Variants in BCL10 observed in about 807,000 individuals in gnomAD.
BCL10 encodes BCL10 immune signaling adaptor.
A neutral mutation model predicts 19.2 loss-of-function variants in BCL10; 5 were observed. The ratio of observed to expected loss-of-function variants is 0.26; its 90% confidence interval spans 0.14 to 0.55. The LOEUF (loss-of-function observed/expected upper bound fraction) is 0.55. Among genes scored for constraint, BCL10 ranks in the 20% least tolerant of loss-of-function variants. The pLI is 0.94. For synonymous variants in BCL10, 110 were observed against 98.8 expected (o/e 1.11, Z -0.67); for missense variants, 201 against 271.9 (o/e 0.74, Z 1.83).
intron 2 of BCL10, among the ~76,000 whole-genome samples, chr1:85,268,588 C>T (rs371400067): frequency 1.3e-5 from 2 of 151,800 alleles, no homozygotes; most frequent in African/African-American, 4.8e-5. Context: ...GCCAACATGG[C>T]GAAACCCCAT....
At position 85,276,357 on chromosome 1, in the gene BCL10, G is replaced by T; in HGVS notation, c.-5C>A. The T allele has an allele frequency of 6.2e-7, 1 of 1,613,396 alleles. No homozygotes were observed. Among genetic ancestry groups the T allele is most frequent in the East Asian group, 2.2e-5 (1 of 44,842 alleles). The stretch of plus-strand genomic sequence containing the variant: ...GGACGGTGCGGTGGGCTCCATGGTG[G>T]AGGCGGGAGATGGCGCTTCTTCCGG... On this transcript the variant is annotated 5_prime_UTR_variant, in exon 1 of 3. Coordinates refer to ENST00000648566, the MANE Select transcript of BCL10 (RefSeq NM_003921.5).
At position 85,267,843 on chromosome 1, in the gene BCL10, C is replaced by T. The variant is rs374017925; in HGVS notation, c.486G>A (p.Thr162=). 70 of 1,614,190 alleles carry T rather than the reference C, an allele frequency of 4.3e-5. No homozygotes were observed. The highest frequency in any genetic ancestry group is 3.3e-4 in the East Asian group (15 of 44,886). ...VMYHPEGESS[T]TPFFSTNSSL... Reference sequence around the variant, plus strand: ...AAGAATTAGTAGAAAAAAAGGGCGTCGTGCTGGATTCTCCTTCTGGATGGT... The same window carrying T: ...AAGAATTAGTAGAAAAAAAGGGCGTTGTGCTGGATTCTCCTTCTGGATGGT... Residue 162 remains threonine (T), a synonymous_variant, in exon 3 of 3, where the codon ACG becomes ACA. Coordinates refer to ENST00000648566, the MANE Select transcript of BCL10 (RefSeq NM_003921.5).
In BCL10 at chr1:85,276,576, G is replaced by A. The variant is rs559113612; in HGVS notation, c.-224C>T. On this transcript the variant is annotated 5_prime_UTR_variant, in exon 1 of 3. Coordinates refer to ENST00000648566, the MANE Select transcript of BCL10 (RefSeq NM_003921.5). ...CGACGGCGACGCGAATCTACGCGAC[G>A]CGACGCGGAGCTCGGAGCAGCGTTC... The A allele has an allele frequency of 1.0e-5, 6 of 599,216 alleles. No homozygotes were observed. The highest frequency in any genetic ancestry group is 1.8e-5 in the Non-Finnish European group (6 of 337,638). The allele number at this position is 599,216 out of a possible 1,614,324, so 37.1% of individuals were successfully genotyped here. A position where few individuals can be genotyped will look rare whatever the true frequency, so the allele number is the denominator to read the frequency against.
At chr1:85,270,951 G>C in intron 1 of BCL10, 45 bp from the exon 2 acceptor site, 3 of 1,554,250 alleles carry the variant, frequency 1.9e-6, no homozygotes, top group Non-Finnish European at 2.6e-6. Context: ...TAACATCTAA[G>C]AAAATCACAT....
intron 1 of BCL10, among the ~76,000 whole-genome samples, chr1:85,273,519 T>TA (rs1364907014): frequency 6.6e-6 from 1 of 152,218 alleles, no homozygotes; most frequent in Non-Finnish European, 1.5e-5. Context: ...GCTTTCTAGG[T>TA]AAAATCATTC....
At chr1:85,269,236 C>A (rs1447005636) in intron 2 of BCL10, among the ~76,000 whole-genome samples, 1 of 152,194 alleles carries the variant, frequency 6.6e-6, no homozygotes, top group Non-Finnish European at 1.5e-5. Context: ...GAATACATTT[C>A]TTTTCTTTAA....
In BCL10 at chr1:85,276,612, G is replaced by A. The variant is rs542676262; in HGVS notation, c.-260C>T. 1.9e-5 allele frequency: 11 copies of A among 569,100 alleles called. No individual in the cohort carries two copies. The highest frequency in any genetic ancestry group is 1.5e-4 in the Admixed American group (5 of 32,438). 35.3% of individuals were successfully genotyped at this position (569,100 alleles called of 1,614,324 possible). A position where few individuals can be genotyped will look rare whatever the true frequency, so the allele number is the denominator to read the frequency against. On this transcript the variant is annotated 5_prime_UTR_variant, in exon 1 of 3. In the 5' UTR this introduces an upstream ATG that the reference lacks. Transcript: ENST00000648566. ...CTCGGAGCAGCGTTCCTTCCCTCTCGTAGAGGCTCAGGCGCAGGCACCGCC... is the reference window on the plus strand; with the variant it reads ...CTCGGAGCAGCGTTCCTTCCCTCTCATAGAGGCTCAGGCGCAGGCACCGCC...
rs1049306240 is a variant in BCL10, at chr1:85,276,527, C to A, written c.-175G>T. ...GAGGGACTCGGGGGTCAAACCGTAG[C>A]GCTTCCGGCCCCGCCTCTGAGGTCG... On this transcript the variant is annotated 5_prime_UTR_variant, in exon 1 of 3. Coordinates refer to ENST00000648566, the MANE Select transcript of BCL10 (RefSeq NM_003921.5). The A allele has an allele frequency of 3.8e-5, 25 of 663,828 alleles. No individual in the cohort carries two copies. In the East Asian group the frequency reaches 3.8e-4, roughly 10 times the overall value. The allele number at this position is 663,828 out of a possible 1,614,324, so 41.1% of individuals were successfully genotyped here. A position where few individuals can be genotyped will look rare whatever the true frequency, so the allele number is the denominator to read the frequency against.
chr1:85,270,418 A>G (rs1163429969), intron 2 of BCL10, among the ~76,000 whole-genome samples, 200 bp downstream of exon 2: 1 of 152,174 alleles, frequency 6.6e-6, no homozygotes, highest in African/African-American at 2.4e-5. Context: ...AAACACAGGT[A>G]TGCACCATCA....
chr1:85,270,567 T>A (rs778947832), intron 2 of BCL10, 51 bp downstream of exon 2: 17 of 1,531,720 alleles, frequency 1.1e-5, no homozygotes, highest in Admixed American at 1.1e-4. Flanking sequence ...CTGCATTTTT[T>A]AAAAGCATTA....
chr1:85,271,462 G>C (rs1484182458), intron 1 of BCL10, among the ~76,000 whole-genome samples: 3 of 152,054 alleles, frequency 2.0e-5, no homozygotes, highest in Non-Finnish European at 1.5e-5. Flanking sequence ...AATCAGTCTT[G>C]GTGGAAGGGA....
At position 85,276,393 on chromosome 1, in the gene BCL10, T is replaced by C; in HGVS notation, c.-41A>G. On this transcript the variant is annotated 5_prime_UTR_variant, in exon 1 of 3. Transcript: ENST00000648566. ...TGGCGCTTCTTCCGGGTCCGGGAGCTCGGGCTGCGCCGCCCCGCCCTGGCT... is the reference window on the plus strand; with the variant it reads ...TGGCGCTTCTTCCGGGTCCGGGAGCCCGGGCTGCGCCGCCCCGCCCTGGCT... 1 of 1,608,482 alleles carries C rather than the reference T, an allele frequency of 6.2e-7. No individual in the cohort carries two copies. Among genetic ancestry groups the C allele is most frequent in the South Asian group, 1.1e-5 (1 of 90,888 alleles).
rs1660542382 is a variant in BCL10, at chr1:85,276,566, T to C, written c.-214A>G. On this transcript the variant is annotated 5_prime_UTR_variant, in exon 1 of 3. Transcript: ENST00000648566. The stretch of plus-strand genomic sequence containing the variant: ...CCTCTGAGGTCGACGGCGACGCGAA[T>C]CTACGCGACGCGACGCGGAGCTCGG... 2 of 603,648 alleles carry C rather than the reference T, an allele frequency of 3.3e-6. No homozygotes were observed. Among genetic ancestry groups the C allele is most frequent in the Non-Finnish European group, 5.9e-6 (2 of 341,236 alleles). The allele number at this position is 603,648 out of a possible 1,614,324, so 37.4% of individuals were successfully genotyped here.
intron 2 of BCL10, among the ~76,000 whole-genome samples, chr1:85,270,272 G>GT (rs1157552422): frequency 6.6e-6 from 1 of 152,164 alleles, no homozygotes; most frequent in African/African-American, 2.4e-5. Context: ...GATCATTTCT[G>GT]TTTTTGTTTT....
Position 85,267,949 on chromosome 1 carries a change from T to A in BCL10, c.380A>T (p.Asp127Val). The A allele has an allele frequency of 2.5e-6, 4 of 1,597,686 alleles. No individual in the cohort carries two copies. The highest frequency in any genetic ancestry group is 3.4e-6 in the Non-Finnish European group (4 of 1,171,178). ...LKCSSCEPFP[D>V]GATNNLSRSN... ...TCTGGAGAGGTTGTTCGTGGCTCCA[T>A]CTGGAAAAGGTTCACAACTGCTACA... The change falls in exon 3 of 3, where the codon GAT becomes GTT. Residue 127 changes from aspartate to valine, a missense_variant. Asp to Val is a radical substitution (Grantham distance 152). Around this residue, in one of 3 missense-constraint regions of BCL10, gnomAD observed 126 missense variants for 136.6 expected, o/e 0.92. Transcript: ENST00000648566.
intron 1 of BCL10, among the ~76,000 whole-genome samples, chr1:85,271,525 G>T (rs1335719993): frequency 6.6e-6 from 1 of 151,970 alleles, no homozygotes; most frequent in African/African-American, 2.4e-5. Flanking sequence ...AAGAAATAAA[G>T]AAAAAGGACA....
chr1:85,267,168 G>T lies in BCL10; in HGVS notation c.*459C>A. The T allele has an allele frequency of 5.0e-6, 1 of 198,732 alleles. No individual in the cohort carries two copies. The highest frequency in any genetic ancestry group is 7.8e-5 in the East Asian group (1 of 12,794). The allele number at this position is 198,732 out of a possible 1,614,324, so 12.3% of individuals were successfully genotyped here. On this transcript the variant is annotated 3_prime_UTR_variant, in exon 3 of 3. Transcript: ENST00000648566. ...AAAGAGATTTTTATTTTTCTATATT[G>T]GCAGTTTTCCCATCAGTGACCGGTT...
intron 1 of BCL10, among the ~76,000 whole-genome samples, chr1:85,271,633 G>C (rs764805281): frequency 6.6e-6 from 1 of 152,056 alleles, no homozygotes; most frequent in African/African-American, 2.4e-5. Flanking sequence ...ATTTGGTACC[G>C]GTGACTGTAT....
rs1030194571 is a variant in BCL10, at chr1:85,266,492, C to T, written c.*1135G>A. ...GCATTAAAAACAGAATTGTCACACA[C>T]ACCAAAAATAATTTGTTCCAGTTAT... On this transcript the variant is annotated 3_prime_UTR_variant, in exon 3 of 3. Transcript: ENST00000648566. 5.3e-6 allele frequency: 1 copy of T among 189,280 alleles called. No homozygotes were observed. The highest frequency in any genetic ancestry group is 1.1e-5 in the Non-Finnish European group (1 of 89,966). 11.7% of individuals were successfully genotyped at this position (189,280 alleles called of 1,614,324 possible).
Sources: allele counts gnomAD v4.1 joint callset (sites outside exome capture counted in the v4.1 genomes callset), GRCh38; gene constraint gnomAD v4.1.1; regional missense constraint gnomAD v4.1.1; transcripts MANE v1.5; gene names NCBI Gene and HGNC (gene_info 2026-07-23, HGNC 2026-07-21).